The following SRFBP1 variants were observed in gnomAD, a reference collection of about 807,000 sequenced individuals.
SRFBP1 encodes serum response factor-binding protein 1.
A neutral mutation model predicts 45.5 loss-of-function variants in SRFBP1; 47 were observed. The ratio of observed to expected loss-of-function variants is 1.03; its 90% CI spans 0.82 to 1.32. The LOEUF is 1.32. Among genes scored for constraint, SRFBP1 ranks in the 40% most tolerant of loss-of-function variants. SRFBP1 has a pLI of 0.00. For missense variants in SRFBP1, 621 were observed against 484.6 expected (o/e 1.28, Z -2.64); for synonymous variants, 203 against 166.3 (o/e 1.22, Z -1.70).
chr5:121,991,998 C>T (rs1032109780), intron 3 of SRFBP1, among the ~76,000 whole-genome samples: 13 of 151,890 alleles, frequency 8.6e-5, no homozygotes, highest in Middle Eastern at 3.2e-3. Flanking sequence ...AGTGTTTGTC[C>T]GAATAATATG....
intron 4 of SRFBP1, among the ~76,000 whole-genome samples, chr5:122,018,566 TTTTGAC>T (rs1268401298): frequency 6.6e-6 from 1 of 152,208 alleles, no homozygotes; most frequent in Non-Finnish European, 1.5e-5. Context: ...AAGAATTCTG[TTTTGAC>T]AATGTCAAAT....
At chr5:122,038,960 A>G (rs1229172377) in intron 2 of SRFBP1, among the ~76,000 whole-genome samples, 1 of 152,084 alleles carries the variant, frequency 6.6e-6, no homozygotes, top group Non-Finnish European at 1.5e-5. Flanking sequence ...AATGTGGCAT[A>G]TGGTAATTAT....
At chr5:122,045,577 A>G (rs1753841767) in intron 2 of SRFBP1, among the ~76,000 whole-genome samples, 1 of 152,158 alleles carries the variant, frequency 6.6e-6, no homozygotes, top group Non-Finnish European at 1.5e-5. Context: ...TCACCTCAAT[A>G]GTTAGCTGTA....
At chr5:122,022,074 C>G in intron 6 of SRFBP1, among the ~76,000 whole-genome samples, 1 of 151,964 alleles carries the variant, frequency 6.6e-6, no homozygotes, top group East Asian at 1.9e-4. Context: ...ATAGATAATC[C>G]CGAAGTGTAA....
intron 2 of SRFBP1, among the ~76,000 whole-genome samples, chr5:122,052,083 C>G (rs1753997829): frequency 1.3e-5 from 2 of 152,170 alleles, no homozygotes; most frequent in African/African-American, 4.8e-5. Flanking sequence ...CTACCAGTCT[C>G]TTCTGAGTTG....
At chr5:121,974,417 C>T (rs1752261794) in intron 2 of SRFBP1, 133 bp downstream of exon 2, 6 of 611,902 alleles carry the variant, frequency 9.8e-6, no homozygotes, top group South Asian at 9.8e-5. Flanking sequence ...GTTTTGTATG[C>T]GGAGATGATG....
intron 2 of SRFBP1, among the ~76,000 whole-genome samples, chr5:122,037,461 C>G (rs1284119772): frequency 2.6e-5 from 4 of 152,042 alleles, no homozygotes; most frequent in Non-Finnish European, 5.9e-5. Context: ...ATGTTTTCCT[C>G]TTGTATTTTT....
intron 4 of SRFBP1, among the ~76,000 whole-genome samples, chr5:122,006,248 T>G (rs1406867759): frequency 6.6e-6 from 1 of 152,198 alleles, no homozygotes; most frequent in Non-Finnish European, 1.5e-5. Flanking sequence ...AGGCCTTTAC[T>G]GAGAAATTTG....
chr5:122,037,539 C>G (rs1248799655), intron 2 of SRFBP1, among the ~76,000 whole-genome samples: 1 of 152,036 alleles, frequency 6.6e-6, no homozygotes, highest in African/African-American at 2.4e-5. Flanking sequence ...GAGTCTTACT[C>G]TGTCGCTATG....
At chr5:122,055,665 A>G (rs550161007) in intron 2 of SRFBP1, among the ~76,000 whole-genome samples, 1 of 152,352 alleles carries the variant, frequency 6.6e-6, no homozygotes, top group East Asian at 1.9e-4. Context: ...TTCTAAGAAA[A>G]GCATTAAAAA....
intron 6 of SRFBP1, among the ~76,000 whole-genome samples, chr5:122,022,045 G>T (rs1337424699): frequency 6.6e-6 from 1 of 151,972 alleles, no homozygotes; most frequent in African/African-American, 2.4e-5. Flanking sequence ...CCTGTGAAAA[G>T]ACTTTAGAAA....
At chr5:122,025,082 G>A (rs1207362946) in intron 7 of SRFBP1, among the ~76,000 whole-genome samples, 1 of 151,952 alleles carries the variant, frequency 6.6e-6, no homozygotes, top group East Asian at 1.9e-4. Flanking sequence ...TTTACCATTA[G>A]GTATATCTCC....
chr5:122,008,267 C>G (rs1235622863), intron 4 of SRFBP1, among the ~76,000 whole-genome samples: 1 of 151,714 alleles, frequency 6.6e-6, no homozygotes, highest in African/African-American at 2.4e-5. Context: ...TTGGGACAAC[C>G]GAGAGACACA....
downstream of SRFBP1, among the ~76,000 whole-genome samples, chr5:122,029,725 G>A (rs922101848): frequency 1.3e-5 from 2 of 152,046 alleles, no homozygotes; most frequent in African/African-American, 4.8e-5. Context: ...TGTCAGTTAC[G>A]GTTATCCTTT....
intron 3 of SRFBP1, among the ~76,000 whole-genome samples, chr5:121,983,316 T>C (rs1752450077): frequency 1.3e-5 from 2 of 151,778 alleles, no homozygotes; most frequent in South Asian, 4.1e-4. Flanking sequence ...AAGTGTTCTA[T>C]TTAGAATCTT....
At chr5:122,026,609 A>G (rs977487286) in intron 7 of SRFBP1, among the ~76,000 whole-genome samples, 1 of 152,218 alleles carries the variant, frequency 6.6e-6, no homozygotes, top group African/African-American at 2.4e-5. Context: ...TTGAAAATAC[A>G]TGATGCCCTT....
rs1410811804 is a variant in SRFBP1 at position 121,983,837 on chromosome 5, T to C, written c.198+8450T>C. Among the ~76,000 whole-genome samples the C allele has an allele frequency of 2.6e-5, 4 of 151,720 alleles. No individual in the cohort carries two copies. In the East Asian group the frequency reaches 5.8e-4, roughly 22 times the overall value. ...AAAACCTGACACTAGTAAAATTTCT[T>C]AGTAGTAAACTTACTTTGTTTTATT... On this transcript the variant is annotated intron_variant, in intron 3 of 7. Coordinates refer to ENST00000339397, the MANE Select transcript of SRFBP1 (RefSeq NM_152546.3).
chr5:122,053,742 G>C (rs1357434043), intron 2 of SRFBP1, among the ~76,000 whole-genome samples: 4 of 152,126 alleles, frequency 2.6e-5, no homozygotes, highest in Admixed American at 2.6e-4. Flanking sequence ...ACAGGAAGCT[G>C]TATCCTCCAG....
chr5:122,013,068 C>T (rs1753126701), intron 4 of SRFBP1, among the ~76,000 whole-genome samples: 1 of 152,062 alleles, frequency 6.6e-6, no homozygotes, highest in African/African-American at 2.4e-5. Context: ...GATCAAAAGT[C>T]CTGATGTTGC....
Sources: gnomAD v4.1 joint callset for allele counts (sites outside exome capture counted in the v4.1 genomes callset) on GRCh38, gnomAD v4.1.1 for gene constraint, MANE v1.5 for transcripts, NCBI Gene and HGNC (gene_info 2026-07-23, HGNC 2026-07-21) for gene names.